The following ADAMTS6 variants were observed in gnomAD, a reference collection of about 807,000 sequenced individuals.
ADAMTS6 encodes the protein ADAM metallopeptidase with thrombospondin type 1 motif 6.
ADAMTS6 carries 23 observed loss-of-function variants against 144.3 expected under a neutral mutation model. The ratio of observed to expected loss-of-function variants is 0.16; its 90% confidence interval spans 0.11 to 0.23. The LOEUF is 0.23. Ranked by LOEUF, ADAMTS6 falls within the 10% of genes least tolerant of loss-of-function variation. The pLI, the probability that ADAMTS6 is intolerant of heterozygous loss-of-function variation, is 1.00. For synonymous variants in ADAMTS6, 444 were observed against 457.5 expected (o/e 0.97, Z 0.38); for missense variants, 999 against 1,379.6 (o/e 0.72, Z 4.37).
chr5:65,391,559 GCAA>G (rs1752916573), intron 7 of ADAMTS6, among the ~76,000 whole-genome samples: 1 of 151,570 alleles, frequency 6.6e-6, no homozygotes, highest in Non-Finnish European at 1.5e-5. Flanking sequence ...AATTTACATT[GCAA>G]CACTTTTACC....
intron 24 of ADAMTS6, among the ~76,000 whole-genome samples, chr5:65,163,961 G>A (rs1001573733): frequency 2.0e-5 from 3 of 152,218 alleles, no homozygotes; most frequent in Non-Finnish European, 4.4e-5. Flanking sequence ...TTGTGGCCGG[G>A]GGGTGGGGCA....
chr5:65,329,280 A>G, intron 9 of ADAMTS6, 98 bp downstream of exon 9: 1 of 994,978 alleles, frequency 1.0e-6, no homozygotes, highest in Non-Finnish European at 1.5e-6. Context: ...ACAAAAAGGT[A>G]GTAAAATAAG....
chr5:65,426,164 G>C (rs574541858), intron 7 of ADAMTS6, among the ~76,000 whole-genome samples: 1 of 150,486 alleles, frequency 6.6e-6, no homozygotes, highest in South Asian at 2.1e-4. Flanking sequence ...CTCCTGCCTC[G>C]GCCTCCCAAG....
At chr5:65,253,710 A>G (rs1271992376) in intron 14 of ADAMTS6, among the ~76,000 whole-genome samples, 1 of 152,028 alleles carries the variant, frequency 6.6e-6, no homozygotes, top group Non-Finnish European at 1.5e-5. Flanking sequence ...AAAAGCATCA[A>G]AGTTAATTTA....
chr5:65,303,970 G>T (rs758328155), intron 9 of ADAMTS6, among the ~76,000 whole-genome samples: 30 of 151,944 alleles, frequency 2.0e-4, no homozygotes, highest in Non-Finnish European at 2.4e-4. Context: ...ACACAATAAG[G>T]TACATGATTT....
At chr5:65,347,910 A>G (rs1029979918) in intron 7 of ADAMTS6, among the ~76,000 whole-genome samples, 25 of 152,136 alleles carry the variant, frequency 1.6e-4, no homozygotes, top group Non-Finnish European at 3.2e-4. Context: ...TGGCCAAGAA[A>G]CATATGAAAG....
chr5:65,284,750 A>G (rs994745701), intron 11 of ADAMTS6, among the ~76,000 whole-genome samples: 1 of 152,142 alleles, frequency 6.6e-6, no homozygotes, highest in Non-Finnish European at 1.5e-5. Context: ...TCACAAATGT[A>G]TTTCCACTGG....
intron 11 of ADAMTS6, among the ~76,000 whole-genome samples, chr5:65,286,682 C>A (rs146479793): frequency 6.6e-6 from 1 of 152,050 alleles, no homozygotes; most frequent in Non-Finnish European, 1.5e-5. Context: ...ATTAAGTGTA[C>A]TGGAAAACAA....
At chr5:65,414,036 A>C (rs1253195194) in intron 7 of ADAMTS6, among the ~76,000 whole-genome samples, 1 of 152,174 alleles carries the variant, frequency 6.6e-6, no homozygotes, top group African/African-American at 2.4e-5. Context: ...AGGAAGTCAT[A>C]AAACCCTCAT....
chr5:65,454,137 C>T (rs1758989844), intron 4 of ADAMTS6, among the ~76,000 whole-genome samples: 2 of 152,176 alleles, frequency 1.3e-5, no homozygotes, highest in South Asian at 4.1e-4. Context: ...TGTGCACTCA[C>T]TTCCTCCTCT....
At chr5:65,239,111 C>G (rs1286382023) in intron 15 of ADAMTS6, among the ~76,000 whole-genome samples, 1 of 151,652 alleles carries the variant, frequency 6.6e-6, no homozygotes, top group Non-Finnish European at 1.5e-5. Flanking sequence ...ACACCGGAGA[C>G]TGTTGTGGGG....
chr5:65,316,558 T>C (rs1745019145), intron 9 of ADAMTS6, among the ~76,000 whole-genome samples: 1 of 152,110 alleles, frequency 6.6e-6, no homozygotes, highest in South Asian at 2.1e-4. Context: ...AGACTGGATT[T>C]AAAAAATGAC....
intron 7 of ADAMTS6, among the ~76,000 whole-genome samples, chr5:65,334,361 T>C (rs1241319881): frequency 6.6e-6 from 1 of 152,208 alleles, no homozygotes; most frequent in East Asian, 1.9e-4. Flanking sequence ...TAAAACGATC[T>C]GCCATACTGT....
At chr5:65,476,673 AT>A (rs1297782886) in intron 1 of ADAMTS6, among the ~76,000 whole-genome samples, 3 of 151,964 alleles carry the variant, frequency 2.0e-5, no homozygotes, top group Non-Finnish European at 4.4e-5. Flanking sequence ...CAGTGGCACG[AT>A]CTCAGCTCAC....
At chr5:65,398,586 C>A (rs1753551436) in intron 7 of ADAMTS6, among the ~76,000 whole-genome samples, 1 of 151,900 alleles carries the variant, frequency 6.6e-6, no homozygotes, top group African/African-American at 2.4e-5. Context: ...ACTAGCTAGG[C>A]ATGGCAGCAC....
intron 7 of ADAMTS6, among the ~76,000 whole-genome samples, chr5:65,360,722 A>G (rs979294976): frequency 2.0e-5 from 3 of 152,218 alleles, no homozygotes; most frequent in Admixed American, 6.5e-5. Flanking sequence ...CACGGTGGGA[A>G]TTGACCATTA....
At chr5:65,205,945 C>G (rs1289535768) in intron 20 of ADAMTS6, among the ~76,000 whole-genome samples, 2 of 152,176 alleles carry the variant, frequency 1.3e-5, no homozygotes, top group African/African-American at 4.8e-5. Flanking sequence ...AACCTCTAGT[C>G]TCTTAGCTAG....
chr5:65,341,879 G>C (rs1454271946), intron 7 of ADAMTS6, among the ~76,000 whole-genome samples: 2 of 151,954 alleles, frequency 1.3e-5, no homozygotes, highest in Admixed American at 6.6e-5. Context: ...CAGACAAGGA[G>C]ACAAGAAGAA....
chr5:65,206,299 A>G (rs937556543), intron 20 of ADAMTS6, among the ~76,000 whole-genome samples: 1 of 152,240 alleles, frequency 6.6e-6, no homozygotes, highest in Non-Finnish European at 1.5e-5. Context: ...CTGAAAATGT[A>G]CAATGTTCTG....
Sources: allele counts gnomAD v4.1 joint callset (sites outside exome capture counted in the v4.1 genomes callset), GRCh38; gene constraint gnomAD v4.1.1; transcripts MANE v1.5; gene names NCBI Gene and HGNC (gene_info 2026-07-23, HGNC 2026-07-21).